NGFR: variants seen among roughly 807,000 people sequenced by gnomAD.
NGFR encodes the protein nerve growth factor receptor.
Under a neutral mutation model 43.2 loss-of-function variants are expected in NGFR, and 30 were observed. That is an observed-to-expected ratio of 0.69 (90% CI 0.52 to 0.94). The LOEUF (loss-of-function observed/expected upper bound fraction) is 0.94, where lower values mean the gene tolerates loss of function less well. Ranked by LOEUF, NGFR falls within the 40% of genes least tolerant of loss-of-function variation. NGFR has a pLI of 0.00. For missense variants in NGFR, 529 were observed against 602.5 expected, an observed-to-expected ratio of 0.88 and a Z score of 1.28; for synonymous variants, 246 against 259.6, an observed-to-expected ratio of 0.95 and a Z score of 0.50.
intron 3 of NGFR, among the ~76,000 whole-genome samples, chr17:49,508,869 G>A (rs1259645083): frequency 6.6e-6 from 1 of 152,172 alleles, no homozygotes; most frequent in African/African-American, 2.4e-5. Flanking sequence ...CTCTGATCTC[G>A]GTGATGGTCT....
chr17:49,512,663 A>G lies in NGFR; in HGVS notation c.983-45A>G. 1 of 1,529,560 alleles carries G rather than the reference A, an allele frequency of 6.5e-7. No individual in the cohort carries two copies. The highest frequency in any genetic ancestry group is 8.8e-7 in the Non-Finnish European group (1 of 1,137,180). 94.7% of individuals were successfully genotyped at this position (1,529,560 alleles called of 1,614,324 possible). A position where few individuals can be genotyped will look rare whatever the true frequency, so the allele number is the denominator to read the frequency against. On this transcript the variant is annotated intron_variant, in intron 5 of 5. Coordinates refer to ENST00000172229, the MANE Select transcript of NGFR (RefSeq NM_002507.4). The surrounding 1 kb of genome is among the most constrained non-coding windows in gnomAD (Gnocchi z 5.2). ...CACCCCAGTGCCCACTGTTGGGGAAAGGAGTTCAGGGGTAGGACCTGACTC... is the reference window on the plus strand; with the variant it reads ...CACCCCAGTGCCCACTGTTGGGGAAGGGAGTTCAGGGGTAGGACCTGACTC...
Position 49,514,221 on chromosome 17 carries a change from G to A in NGFR, c.*1212G>A, listed in dbSNP as rs1005016467. On this transcript the variant is annotated 3_prime_UTR_variant, in exon 6 of 6. Coordinates refer to ENST00000172229, the MANE Select transcript of NGFR (RefSeq NM_002507.4). The stretch of plus-strand genomic sequence containing the variant: ...CGGGTTTGGCGGGCCAAGGACTGCC[G>A]ACCGAGGCTGGAGCTGGCGTCTGTC... 4.4e-5 allele frequency: 7 copies of A among 159,610 alleles called. No individual in the cohort carries two copies. The highest frequency in any genetic ancestry group is 2.1e-4 in the South Asian group (1 of 4,878). The allele number at this position is 159,610 out of a possible 1,614,324, so 9.9% of individuals were successfully genotyped here.
intron 1 of NGFR, 63 bp from the exon 2 acceptor site, chr17:49,502,000 A>ACCGGGCC: frequency 1.1e-5 from 3 of 264,886 alleles, no homozygotes; most frequent in Non-Finnish European, 2.4e-5. Context: ...CCCCGGAAGA[A>ACCGGGCC]CCCCCCCCAA....
intron 2 of NGFR, among the ~76,000 whole-genome samples, chr17:49,504,195 A>G (rs1326715033): frequency 6.6e-6 from 1 of 152,128 alleles, no homozygotes; most frequent in Non-Finnish European, 1.5e-5. Context: ...AAAAAAGACC[A>G]CATTTTTCAC....
intron 2 of NGFR, among the ~76,000 whole-genome samples, chr17:49,503,560 CCTGAGT>C (rs1429413472): frequency 2.6e-5 from 4 of 152,294 alleles, no homozygotes; most frequent in Non-Finnish European, 5.9e-5. Context: ...GGATGTCCCC[CCTGAGT>C]CTATCTGTCC....
chr17:49,502,016 C>A, intron 1 of NGFR, 47 bp from the exon 2 acceptor site: 3 of 1,281,008 alleles, frequency 2.3e-6, no homozygotes, highest in Admixed American at 2.3e-5. Context: ...CCCAACCCAC[C>A]CCAGCTTTCT....
intron 1 of NGFR, among the ~76,000 whole-genome samples, chr17:49,499,716 T>C (rs1382368794): frequency 6.6e-6 from 1 of 152,070 alleles, no homozygotes; most frequent in Non-Finnish European, 1.5e-5. Flanking sequence ...GCCTCCTGAG[T>C]AGCTGAGACT....
rs2071241778 is a variant in NGFR at position 49,512,715 on chromosome 17, G to T, written c.990G>T (p.Lys330Asn). Residue 330 changes from lysine to asparagine, a missense_variant, in exon 6 of 6, where the codon AAG (lysine) becomes AAT (asparagine). Lys to Asn is a moderately conservative substitution (Grantham distance 94). Coordinates refer to ENST00000172229, the MANE Select transcript of NGFR (RefSeq NM_002507.4). The surrounding 1 kb of genome is among the most constrained non-coding windows in gnomAD (Gnocchi z 5.2). ...CCTCTGGTTTCTCTGCAGCCCTCAA[G>T]GGTGACGGAGGCCTCTACAGCAGCC... is the stretch of plus-strand genomic sequence containing the variant. ...HTQTASGQAL[K>N]GDGGLYSSLP... 1 of 1,598,378 alleles carries T rather than the reference G, an allele frequency of 6.3e-7. No homozygotes were observed.
In NGFR at chr17:49,512,163, C is replaced by T. The variant is rs1597864961; in HGVS notation, c.982+111C>T. On this transcript the variant is annotated intron_variant, in intron 5 of 5. Coordinates refer to ENST00000172229, the MANE Select transcript of NGFR (RefSeq NM_002507.4). The surrounding 1 kb of genome is among the most constrained non-coding windows in gnomAD (Gnocchi z 5.2). Reference sequence around the variant, plus strand: ...CGGGGGGGCGGCAGGGCTGGCTCAGCGGTGCCCCTGTAGATGGATGGAGAG... The same window carrying T: ...CGGGGGGGCGGCAGGGCTGGCTCAGTGGTGCCCCTGTAGATGGATGGAGAG... 4 of 1,344,728 alleles carry T rather than the reference C, an allele frequency of 3.0e-6. No individual in the cohort carries two copies. The highest frequency in any genetic ancestry group is 4.0e-6 in the Non-Finnish European group (4 of 997,822). 83.3% of individuals were successfully genotyped at this position (1,344,728 alleles called of 1,614,324 possible).
chr17:49,505,237 G>A (rs1469994800), intron 2 of NGFR, among the ~76,000 whole-genome samples: 3 of 151,934 alleles, frequency 2.0e-5, no homozygotes, highest in Admixed American at 6.6e-5. Flanking sequence ...CCCTAATGGC[G>A]CTTTAGCCTT....
intron 3 of NGFR, among the ~76,000 whole-genome samples, chr17:49,508,444 A>T (rs2071212242): frequency 6.6e-6 from 1 of 152,150 alleles, no homozygotes; most frequent in South Asian, 2.1e-4. Flanking sequence ...TTTCAGCTTC[A>T]GGCTCTGAAG....
At chr17:49,502,722 G>A (rs2052609642) in intron 2 of NGFR, among the ~76,000 whole-genome samples, 1 of 152,058 alleles carries the variant, frequency 6.6e-6, no homozygotes, top group African/African-American at 2.4e-5. Context: ...CGAGGCAGCA[G>A]GGATGGGGGT....
rs1363127543 is a variant in NGFR at position 49,513,977 on chromosome 17, C to G, written c.*968C>G. The G allele has an allele frequency of 2.0e-5, 3 of 152,318 alleles. No homozygotes were observed. Among genetic ancestry groups the G allele is most frequent in the African/African-American group, 7.2e-5 (3 of 41,420 alleles). The allele number at this position is 152,318 out of a possible 1,614,324, so 9.4% of individuals were successfully genotyped here. A position where few individuals can be genotyped will look rare whatever the true frequency, so the allele number is the denominator to read the frequency against. On this transcript the variant is annotated 3_prime_UTR_variant, in exon 6 of 6. Transcript: ENST00000172229. Reference sequence around the variant, plus strand: ...TGCTGCCCTCCATCCCGACATGGACCCGGAGCTAACACTGGCCCCTAGAAT... The same window carrying G: ...TGCTGCCCTCCATCCCGACATGGACGCGGAGCTAACACTGGCCCCTAGAAT...
rs943639122 is a variant in NGFR, at chr17:49,513,098, G to T, written c.*89G>T. The T allele has an allele frequency of 4.6e-5, 63 of 1,361,826 alleles. 2 individuals are homozygous for T. The East Asian group carries it at 6.1e-4, about 13-fold the overall frequency. The allele number at this position is 1,361,826 out of a possible 1,614,324, so 84.4% of individuals were successfully genotyped here. On this transcript the variant is annotated 3_prime_UTR_variant, in exon 6 of 6. Coordinates refer to ENST00000172229, the MANE Select transcript of NGFR (RefSeq NM_002507.4). ...TGGAGCCCGCACCCCCACCCTTTGGGGGGGGCCCGCCTGGCAGAACTGAGC... is the reference window on the plus strand; with the variant it reads ...TGGAGCCCGCACCCCCACCCTTTGGTGGGGGCCCGCCTGGCAGAACTGAGC...
Position 49,513,019 on chromosome 17 carries a change from G to A in NGFR, c.*10G>A, listed in dbSNP as rs1433105950. 6.6e-7 allele frequency: 1 copy of A among 1,518,400 alleles called. No homozygotes were observed. The highest frequency in any genetic ancestry group is 2.4e-5 in the East Asian group (1 of 42,246). 94.1% of individuals were successfully genotyped at this position (1,518,400 alleles called of 1,614,324 possible). Reference sequence around the variant, plus strand: ...CACATCCCCGGTGTGAGCCCAACCGGGGAGCCCCCGCCCCGCCCCACATTC... The same window carrying A: ...CACATCCCCGGTGTGAGCCCAACCGAGGAGCCCCCGCCCCGCCCCACATTC... On this transcript the variant is annotated 3_prime_UTR_variant, in exon 6 of 6. Transcript: ENST00000172229.
At chr17:49,502,024 T>A in intron 1 of NGFR, 39 bp from the exon 2 acceptor site, 6 of 646,064 alleles carry the variant, frequency 9.3e-6, no homozygotes, top group Non-Finnish European at 1.4e-5. Context: ...ACCCCAGCTT[T>A]CTCTTGCCAG....
rs10672288 is a variant in NGFR at position 49,502,815 on chromosome 17, TCTTCCTTCCTTCCTTC to T, written c.208+651_208+666del. On this transcript the variant is annotated intron_variant, in intron 2 of 5. Transcript: ENST00000172229. ...GCTGTGCCCATTCCTGCCTGGGATT[TCTTCCTTCCTTCCTTC>T]CTTCCTTCCTTCCTTCCTTCCTTCC... Among the ~76,000 whole-genome samples the T allele has an allele frequency of 1.5e-3, 183 of 121,586 alleles. 1 individual carries two copies. Among genetic ancestry groups the T allele is most frequent in the South Asian group, 3.7e-3 (11 of 3,006 alleles). The allele number at this position is 121,586 out of a possible 152,430, so 79.8% of individuals were successfully genotyped here.
At chr17:49,505,979 A>C in intron 2 of NGFR, 4 of 364,524 alleles carry the variant, frequency 1.1e-5, no homozygotes, top group African/African-American at 2.1e-5. Context: ...GGAACATAGT[A>C]CAGGCCTGGG....
chr17:49,498,375 C>G (rs1208275647), intron 1 of NGFR, among the ~76,000 whole-genome samples: 1 of 152,228 alleles, frequency 6.6e-6, no homozygotes, highest in Non-Finnish European at 1.5e-5. Flanking sequence ...CCTCCCAACT[C>G]CTCCCCTATC....
Sources: gnomAD v4.1 joint callset for allele counts (sites outside exome capture counted in the v4.1 genomes callset) on GRCh38, gnomAD v4.1.1 for gene constraint, Gnocchi (gnomAD v3.1) non-coding constraint, MANE v1.5 for transcripts, NCBI Gene and HGNC (gene_info 2026-07-23, HGNC 2026-07-21) for gene names.